Variants in TALDO1 observed in about 807,000 individuals in gnomAD.
The protein encoded by TALDO1 is transaldolase.
A neutral mutation model predicts 38.1 loss-of-function variants in TALDO1; 29 were observed. That is an observed-to-expected ratio of 0.76 (90% CI 0.57 to 1.04). The LOEUF (loss-of-function observed/expected upper bound fraction) is 1.04, where lower values mean the gene tolerates loss of function less well. TALDO1 is among the 50% of genes least tolerant of loss of function. The pLI is 0.00. For missense variants in TALDO1, 499 were observed against 438.1 expected, an observed-to-expected ratio of 1.14 and a Z score of -1.24; for synonymous variants, 207 against 176.8, an observed-to-expected ratio of 1.17 and a Z score of -1.36.
intron 4 of TALDO1, chr11:760,861 C>G (rs1297375179): frequency 6.5e-6 from 1 of 154,808 alleles, no homozygotes; most frequent in South Asian, 1.9e-4. Flanking sequence ...GGTGAAACCC[C>G]GACTCCACTA....
intron 7 of TALDO1, among the ~76,000 whole-genome samples, 164 bp from the exon 8 acceptor site, chr11:764,649 T>C (rs1033991688): frequency 6.7e-6 from 1 of 149,110 alleles, no homozygotes; most frequent in Non-Finnish European, 1.5e-5. Context: ...CTGGCTCCTC[T>C]CTGGCCTGTG....
At chr11:764,144 C>T (rs1863008322) in intron 6 of TALDO1, 144 bp from the exon 7 acceptor site, 1 of 1,492,418 alleles carries the variant, frequency 6.7e-7, no homozygotes, top group Non-Finnish European at 9.2e-7. Context: ...TGGGCTGAAC[C>T]CCACTTCCAG....
rs1414808747 is a variant in TALDO1 at position 764,438 on chromosome 11, G to A, written c.981+5G>A. 3.1e-6 allele frequency: 5 copies of A among 1,609,464 alleles called. No individual in the cohort carries two copies. Among genetic ancestry groups the A allele is most frequent in the South Asian group, 1.1e-5 (1 of 90,996 alleles). ...AAGCTGGAGCGGATGCTGACAGTGA[G>A]TGTTGTGTGTGGGTACCTACATATG... is the stretch of plus-strand genomic sequence containing the variant. On this transcript the variant is annotated splice_donor_5th_base_variant and intron_variant, in intron 7 of 7. Coordinates refer to ENST00000319006, the MANE Select transcript of TALDO1 (RefSeq NM_006755.2).
chr11:759,354 CGGCTTGA>C (rs1235026109), intron 3 of TALDO1, among the ~76,000 whole-genome samples: 1 of 152,098 alleles, frequency 6.6e-6, no homozygotes, highest in Non-Finnish European at 1.5e-5. Context: ...CTCTGTCTCC[CGGCTTGA>C]AGCGTTTCTC....
At chr11:764,031 C>CT in intron 6 of TALDO1, 87 bp downstream of exon 6, 1 of 1,499,096 alleles carries the variant, frequency 6.7e-7, no homozygotes, top group Non-Finnish European at 9.0e-7. Flanking sequence ...TCCCTCCCAC[C>CT]TGTGGGGCGA....
rs1291509452 is a variant in TALDO1, at chr11:759,066, G to A, written c.329+9G>A. On this transcript the variant is annotated intron_variant, in intron 3 of 7. Transcript: ENST00000319006. ...ACAGAAGTAGACGCAAGGTAAGGATGCTTGCTCCTGCACTGGATGGGCTGG... is the reference window on the plus strand; with the variant it reads ...ACAGAAGTAGACGCAAGGTAAGGATACTTGCTCCTGCACTGGATGGGCTGG... The A allele has an allele frequency of 6.2e-7, 1 of 1,605,238 alleles. No homozygotes were observed. Among genetic ancestry groups the A allele is most frequent in the East Asian group, 2.2e-5 (1 of 44,614 alleles).
intron 6 of TALDO1, 24 bp from the exon 7 acceptor site, chr11:764,264 G>C: frequency 1.2e-6 from 2 of 1,614,070 alleles, no homozygotes; most frequent in Non-Finnish European, 1.7e-6. Flanking sequence ...GAGCAGGCAT[G>C]GAAGGCTGGT....
At chr11:764,665 A>G (rs1282345230) in intron 7 of TALDO1, 148 bp from the exon 8 acceptor site, 1 of 1,384,920 alleles carries the variant, frequency 7.2e-7, no homozygotes, top group Admixed American at 1.7e-5. Flanking sequence ...CTGTGTGGTG[A>G]CTGTGGTATT....
chr11:756,052 A>G (rs1236902894), intron 2 of TALDO1, 50 bp downstream of exon 2: 1 of 1,586,948 alleles, frequency 6.3e-7, no homozygotes. Context: ...GTGCTAGTCT[A>G]GTTGGCCTTG....
chr11:754,252 T>G (rs931217710), intron 1 of TALDO1, among the ~76,000 whole-genome samples: 1 of 152,090 alleles, frequency 6.6e-6, no homozygotes, highest in Non-Finnish European at 1.5e-5. Context: ...CCCAAAGTGC[T>G]GGGATTACAG....
rs764534370 is a variant in TALDO1 at position 755,895 on chromosome 11, G to A, written c.114G>A (p.Lys38=). 1.2e-6 allele frequency: 2 copies of A among 1,614,020 alleles called. No individual in the cohort carries two copies. The highest frequency in any genetic ancestry group is 1.7e-5 in the Admixed American group (1 of 59,984). ...TGDFHAIDEY[K]PQDATTNPSL... ...TTTCCCTAGCCATCGACGAGTACAA[G>A]CCCCAGGATGCTACCACCAACCCGT... Residue 38 remains lysine, a synonymous_variant, in exon 2 of 8, where the codon AAG becomes AAA. Coordinates refer to ENST00000319006, the MANE Select transcript of TALDO1 (RefSeq NM_006755.2).
intron 2 of TALDO1, among the ~76,000 whole-genome samples, chr11:757,007 G>T (rs1184444952): frequency 6.6e-6 from 1 of 152,202 alleles, no homozygotes; most frequent in Non-Finnish European, 1.5e-5. Context: ...TGCCGAGCAG[G>T]CAACGTGGGC....
intron 3 of TALDO1, 109 bp downstream of exon 3, chr11:759,166 A>C (rs1008352210): frequency 1.1e-6 from 1 of 904,486 alleles, no homozygotes; most frequent in East Asian, 2.6e-5. Flanking sequence ...CTTCATCCCA[A>C]GGGCCCAAGA....
At chr11:758,371 CG>C (rs1862876873) in intron 2 of TALDO1, among the ~76,000 whole-genome samples, 1 of 151,754 alleles carries the variant, frequency 6.6e-6, no homozygotes, top group Non-Finnish European at 1.5e-5. Flanking sequence ...CACTTGAGCC[CG>C]GGAGGTCAAG....
intron 6 of TALDO1, 92 bp downstream of exon 6, chr11:764,036 G>A: frequency 6.7e-7 from 1 of 1,496,174 alleles, no homozygotes; most frequent in East Asian, 2.3e-5. Context: ...CCCACCTGTG[G>A]GGCGAGCTCA....
chr11:747,490 C>A lies in TALDO1; in HGVS notation c.9C>A (p.Ser3Arg). The A allele has an allele frequency of 6.3e-7, 1 of 1,597,482 alleles. No individual in the cohort carries two copies. The highest frequency in any genetic ancestry group is 1.4e-5 in the African/African-American group (1 of 72,982). Residue 3 changes from serine to arginine, a missense_variant, in exon 1 of 8, where the codon AGC becomes AGA. Ser to Arg is a moderately radical substitution (Grantham distance 110, BLOSUM62 -1). Coordinates refer to ENST00000319006, the MANE Select transcript of TALDO1 (RefSeq NM_006755.2). ...GACCCCTCGGTCTTGCTATGTCGAG[C>A]TCACCCGTGAAGCGTCAGAGGATGG... MS[S>R]SPVKRQRMES...
At chr11:757,646 A>C (rs1346135526) in intron 2 of TALDO1, among the ~76,000 whole-genome samples, 1 of 152,198 alleles carries the variant, frequency 6.6e-6, no homozygotes, top group African/African-American at 2.4e-5. Flanking sequence ...TCCTGTGTGT[A>C]GTGGGCTAAC....
intron 2 of TALDO1, among the ~76,000 whole-genome samples, chr11:756,468 G>T (rs911141801): frequency 6.6e-6 from 1 of 151,290 alleles, no homozygotes; most frequent in Admixed American, 6.6e-5. Flanking sequence ...TTCCCAATTA[G>T]CTGGGCTTAC....
rs554389370 is a variant in TALDO1, at chr11:755,062, G to A, written c.98-817G>A. On this transcript the variant is annotated intron_variant, in intron 1 of 7. Coordinates refer to ENST00000319006, the MANE Select transcript of TALDO1 (RefSeq NM_006755.2). The stretch of plus-strand genomic sequence containing the variant: ...ATAAACTGGTTTCAGGTTAGAGGCC[G>A]CTTCAGCAACTAGGCTTGCAGGTAA... Among the ~76,000 whole-genome samples the A allele has an allele frequency of 5.3e-5, 8 of 151,380 alleles. No homozygotes were observed. The East Asian group carries it at 1.6e-3, about 29-fold the overall frequency.
Sources: allele counts gnomAD v4.1 joint callset (sites outside exome capture counted in the v4.1 genomes callset), GRCh38; gene constraint gnomAD v4.1.1; transcripts MANE v1.5; gene names NCBI Gene and HGNC (gene_info 2026-07-23, HGNC 2026-07-21).